The following PALLD variants were observed in gnomAD, a reference collection of about 807,000 sequenced individuals.
PALLD encodes the protein palladin, cytoskeletal associated protein, also known as palladin.
PALLD carries 61 observed loss-of-function variants against 123.5 expected under a neutral mutation model. The ratio of observed to expected loss-of-function variants is 0.49; its 90% CI spans 0.40 to 0.61. The LOEUF is 0.61. Among genes scored for constraint, PALLD ranks in the 20% least tolerant of loss-of-function variants. The pLI, the probability that PALLD is intolerant of heterozygous loss-of-function variation, is 0.00. For missense variants in PALLD, 1,273 were observed against 1,377.0 expected, an observed-to-expected ratio of 0.92 and a Z score of 1.20; for synonymous variants, 465 against 496.4, an observed-to-expected ratio of 0.94 and a Z score of 0.84.
chr4:168,893,193 C>T (rs376949265), intron 11 of PALLD, among the ~76,000 whole-genome samples: 7 of 152,180 alleles, frequency 4.6e-5, no homozygotes, highest in African/African-American at 1.2e-4. Flanking sequence ...TACAATTCTC[C>T]GTGAAAAGAT....
chr4:168,531,580 A>T, intron 2 of PALLD, among the ~76,000 whole-genome samples: 1 of 152,210 alleles, frequency 6.6e-6, no homozygotes, highest in African/African-American at 2.4e-5. Flanking sequence ...AAATTGGCCT[A>T]AGAAACTCAG....
intron 2 of PALLD, among the ~76,000 whole-genome samples, chr4:168,540,223 C>T (rs372122931): frequency 2.0e-5 from 3 of 152,260 alleles, no homozygotes; most frequent in African/African-American, 4.8e-5. Context: ...CTTCCATAGT[C>T]GTCATAGGCG....
intron 2 of PALLD, among the ~76,000 whole-genome samples, chr4:168,513,412 T>C (rs921324865): frequency 6.6e-6 from 1 of 152,176 alleles, no homozygotes; most frequent in African/African-American, 2.4e-5. Context: ...TCTGACTTCA[T>C]TGTAGAGTTT....
At chr4:168,733,867 T>C (rs1418525739) in intron 10 of PALLD, among the ~76,000 whole-genome samples, 2 of 152,202 alleles carry the variant, frequency 1.3e-5, no homozygotes, top group Non-Finnish European at 2.9e-5. Flanking sequence ...CCTGAGTAGC[T>C]GGGACTACAG....
intron 2 of PALLD, among the ~76,000 whole-genome samples, chr4:168,569,028 G>C (rs946935718): frequency 1.3e-5 from 2 of 151,996 alleles, no homozygotes; most frequent in Non-Finnish European, 2.9e-5. Flanking sequence ...TCCTGGTCTG[G>C]TTTACTTTTT....
At chr4:168,846,958 T>A (rs551534545) in intron 10 of PALLD, among the ~76,000 whole-genome samples, 41 of 152,274 alleles carry the variant, frequency 2.7e-4, no homozygotes, top group Non-Finnish European at 1.5e-4. Context: ...AATTTTGATA[T>A]TTGCTAAAAA....
intron 10 of PALLD, among the ~76,000 whole-genome samples, chr4:168,745,452 C>G (rs1003595077): frequency 6.7e-6 from 1 of 148,278 alleles, no homozygotes; most frequent in Non-Finnish European, 1.5e-5. Flanking sequence ...ATGATTCATT[C>G]TCTTAAAAAG....
At chr4:168,599,463 T>C (rs563977461) in intron 2 of PALLD, among the ~76,000 whole-genome samples, 1 of 152,322 alleles carries the variant, frequency 6.6e-6, no homozygotes, top group Non-Finnish European at 1.5e-5. Flanking sequence ...ACAGATAGAC[T>C]GTCACAGACA....
intron 1 of PALLD, among the ~76,000 whole-genome samples, chr4:168,510,314 T>C (rs1414277948): frequency 6.6e-6 from 1 of 152,246 alleles, no homozygotes; most frequent in Non-Finnish European, 1.5e-5. Context: ...TCTGCTGATA[T>C]TCCCATGTAA....
At chr4:168,617,350 C>A (rs1175317966) in intron 2 of PALLD, among the ~76,000 whole-genome samples, 1 of 152,076 alleles carries the variant, frequency 6.6e-6, no homozygotes, top group Non-Finnish European at 1.5e-5. Context: ...AAAATGTCTG[C>A]TTTTTCTTCC....
chr4:168,752,793 A>G (rs1731238036), intron 10 of PALLD, among the ~76,000 whole-genome samples: 1 of 151,740 alleles, frequency 6.6e-6, no homozygotes, highest in Non-Finnish European at 1.5e-5. Flanking sequence ...GCTACTTTTT[A>G]GTGACCACAA....
rs774214162 is a variant in PALLD, at chr4:168,925,254, C to G, written c.*8C>G. 2 of 1,608,050 alleles carry G rather than the reference C, an allele frequency of 1.2e-6. No individual in the cohort carries two copies. The highest frequency in any genetic ancestry group is 1.7e-6 in the Non-Finnish European group (2 of 1,174,592). On this transcript the variant is annotated 3_prime_UTR_variant, in exon 21 of 22. Transcript: ENST00000505667. The stretch of plus-strand genomic sequence containing the variant: ...GTAGTTTCTCGACATTAATAGTGAA[C>G]CACACCAGGAGAACAAATACCCAAG...
intron 10 of PALLD, among the ~76,000 whole-genome samples, chr4:168,855,994 C>T (rs959681955): frequency 1.1e-4 from 17 of 152,234 alleles, no homozygotes; most frequent in African/African-American, 4.1e-4. Context: ...TTCAGCCCCT[C>T]CCCACCTCCT....
At chr4:168,574,550 T>C (rs1442777908) in intron 2 of PALLD, among the ~76,000 whole-genome samples, 1 of 152,162 alleles carries the variant, frequency 6.6e-6, no homozygotes, top group African/African-American at 2.4e-5. Flanking sequence ...TAATAGACTG[T>C]ATGTTCCTTG....
At chr4:168,879,348 G>C (rs534088688) in intron 10 of PALLD, among the ~76,000 whole-genome samples, 1 of 152,290 alleles carries the variant, frequency 6.6e-6, no homozygotes, top group African/African-American at 2.4e-5. Flanking sequence ...GTAAATGCTA[G>C]TACTTACTCA....
intron 2 of PALLD, among the ~76,000 whole-genome samples, chr4:168,605,423 A>G (rs970607533): frequency 2.0e-5 from 3 of 152,184 alleles, no homozygotes; most frequent in African/African-American, 7.2e-5. Context: ...CTAGTCTCCA[A>G]TGAGTGATCC....
intron 2 of PALLD, among the ~76,000 whole-genome samples, chr4:168,549,527 G>A (rs924286523): frequency 1.3e-5 from 2 of 151,610 alleles, no homozygotes; most frequent in East Asian, 1.9e-4. Context: ...TTATTTCTAC[G>A]GATTTTTCAA....
Position 168,668,175 on chromosome 4 carries a change from C to T in PALLD, c.909-15C>T, listed in dbSNP as rs1779837215. On this transcript the variant is annotated splice_polypyrimidine_tract_variant and intron_variant, in intron 2 of 21. Transcript: ENST00000505667. ...TTCTTTCCCTCCTATCCTTTGACCTCCATTTGGCCTGCAGATGGTTCTGTG... is the reference window on the plus strand; with the variant it reads ...TTCTTTCCCTCCTATCCTTTGACCTTCATTTGGCCTGCAGATGGTTCTGTG... 1.2e-6 allele frequency: 2 copies of T among 1,609,150 alleles called. No individual in the cohort carries two copies. The highest frequency in any genetic ancestry group is 1.7e-5 in the Admixed American group (1 of 59,996).
At chr4:168,897,251 T>A (rs1424081111) in intron 13 of PALLD, among the ~76,000 whole-genome samples, 3 of 152,248 alleles carry the variant, frequency 2.0e-5, no homozygotes, top group Non-Finnish European at 4.4e-5. Flanking sequence ...AAGGGATTAA[T>A]TTGATAGTAA....
Sources: allele counts gnomAD v4.1 joint callset (sites outside exome capture counted in the v4.1 genomes callset), GRCh38; gene constraint gnomAD v4.1.1; transcripts MANE v1.5; gene names NCBI Gene and HGNC (gene_info 2026-07-23, HGNC 2026-07-21).